Variants in PCNT observed in about 807,000 individuals in gnomAD.
PCNT encodes pericentrin, also known as kendrin.
Under a neutral mutation model 380.4 loss-of-function variants are expected in PCNT, and 319 were observed. That is an observed-to-expected ratio of 0.84 (90% CI 0.77 to 0.92). The LOEUF is 0.92. Ranked by LOEUF, PCNT falls within the 40% of genes least tolerant of loss-of-function variation. The probability of loss-of-function intolerance (pLI) is 0.00; values close to 1 mark genes in which losing one functional copy is unlikely to be tolerated. For missense variants in PCNT, 4,400 were observed against 4,255.3 expected (o/e 1.03, Z -0.95); for synonymous variants, 1,845 against 1,735.2 (o/e 1.06, Z -1.57).
At chr21:46,437,260 C>T (rs1027053080) in intron 40 of PCNT, among the ~76,000 whole-genome samples, 179 bp downstream of exon 40, 1 of 152,090 alleles carries the variant, frequency 6.6e-6, no homozygotes, top group Non-Finnish European at 1.5e-5. Context: ...CGAGTGGGGA[C>T]GGATGTCCTC....
intron 2 of PCNT, among the ~76,000 whole-genome samples, chr21:46,332,021 C>A (rs2083575928): frequency 6.6e-6 from 1 of 152,062 alleles, no homozygotes; most frequent in South Asian, 2.1e-4. Context: ...TTAGCCGGGT[C>A]TCATGGCAGG....
At chr21:46,423,775 TGAGGAGGG>T (rs2087363069) in intron 32 of PCNT, among the ~76,000 whole-genome samples, 1 of 39,522 alleles carries the variant, frequency 2.5e-5, no homozygotes, top group African/African-American at 9.4e-5. Context: ...GGGAGGGGGA[TGAGGAGGG>T]GGAGGGGAGG....
chr21:46,428,265 A>G, intron 34 of PCNT, 130 bp from the exon 35 acceptor site: 1 of 840,232 alleles, frequency 1.2e-6, no homozygotes, highest in Admixed American at 2.0e-5. Flanking sequence ...GGCCCAGCAG[A>G]TACTGTGCAC....
chr21:46,353,086 G>T lies in PCNT; in HGVS notation c.1457-18G>T. ...GTGTCCCATTTTAAGACGATTGCCT[G>T]ACTCCGTTATGTTGCAGAGCTACAT... On this transcript the variant is annotated intron_variant, in intron 9 of 46. Transcript: ENST00000359568. 6.2e-7 allele frequency: 1 copy of T among 1,606,518 alleles called. No homozygotes were observed. The highest frequency in any genetic ancestry group is 1.1e-5 in the South Asian group (1 of 90,850).
At chr21:46,433,852 A>T (rs996768529) in intron 38 of PCNT, among the ~76,000 whole-genome samples, 2 of 151,796 alleles carry the variant, frequency 1.3e-5, no homozygotes, top group African/African-American at 4.8e-5. Flanking sequence ...GCTCACTGCA[A>T]CCTCCACCTC....
chr21:46,401,769 C>A, intron 26 of PCNT, 48 bp downstream of exon 26: 1 of 1,584,594 alleles, frequency 6.3e-7, no homozygotes, highest in Non-Finnish European at 8.7e-7. Flanking sequence ...GGTCAGTGTC[C>A]AGTGGGCTTC....
At chr21:46,398,342 C>A (rs1036081394) in intron 24 of PCNT, 87 bp downstream of exon 24, 3 of 1,359,884 alleles carry the variant, frequency 2.2e-6, no homozygotes, top group Non-Finnish European at 3.1e-6. Context: ...CACCCACTCG[C>A]TTTTCTTGCT....
chr21:46,357,279 G>A, intron 13 of PCNT, 88 bp downstream of exon 13: 3 of 925,764 alleles, frequency 3.2e-6, no homozygotes, highest in Non-Finnish European at 1.8e-6. Flanking sequence ...GTATGGAGGG[G>A]CATCCTGGGG....
chr21:46,384,626 G>A (rs1601915808), intron 16 of PCNT, among the ~76,000 whole-genome samples: 1 of 144,554 alleles, frequency 6.9e-6, no homozygotes, highest in African/African-American at 2.5e-5. Context: ...AAGTGCATTC[G>A]TGGTGTGCAT....
rs760779996 is a variant in PCNT at position 46,412,995 on chromosome 21, G to A, written c.6150+3G>A. On this transcript the variant is annotated splice_donor_region_variant and intron_variant, in intron 29 of 46. Coordinates refer to ENST00000359568, the MANE Select transcript of PCNT (RefSeq NM_006031.6). ...TGAGTCTGGAGGACGGCGGCAAGGT[G>A]TGGGGAGGGGGGAAGGCGCGAGGTC... The A allele has an allele frequency of 2.2e-4, 346 of 1,606,660 alleles. No individual in the cohort carries two copies. The East Asian group carries it at 2.8e-3, about 13-fold the overall frequency.
At chr21:46,384,212 G>T (rs140542041) in intron 16 of PCNT, among the ~76,000 whole-genome samples, 2 of 140,776 alleles carry the variant, frequency 1.4e-5, no homozygotes, top group African/African-American at 2.8e-5. Context: ...TGGCAGAAGC[G>T]CATTCACGGT....
chr21:46,398,366 C>T (rs994543377), intron 24 of PCNT, 111 bp downstream of exon 24: 7 of 1,132,418 alleles, frequency 6.2e-6, no homozygotes, highest in South Asian at 1.3e-5. Flanking sequence ...GTTTGGGCTG[C>T]AGCCATCTGC....
Position 46,399,662 on chromosome 21 carries a change from G to C in PCNT, c.4657G>C (p.Ala1553Pro). Reference protein sequence around the residue: ...FNELAIQKESADRQVLMQEEE... With the variant: ...FNELAIQKESPDRQVLMQEEE... Reference sequence around the variant, plus strand: ...TGAATTGGCTATACAGAAAGAGTCGGCAGATAGACAAGTGTTAATGCAGGA... The same window carrying C: ...TGAATTGGCTATACAGAAAGAGTCGCCAGATAGACAAGTGTTAATGCAGGA... Residue 1553 changes from alanine to proline, a missense_variant, in exon 25 of 47, where the codon GCA becomes CCA. Coordinates refer to ENST00000359568, the MANE Select transcript of PCNT (RefSeq NM_006031.6). 1 of 1,613,716 alleles carries C rather than the reference G, an allele frequency of 6.2e-7. No individual in the cohort carries two copies. The highest frequency in any genetic ancestry group is 1.1e-5 in the South Asian group (1 of 91,076).
rs1163660693 is a variant in PCNT at position 46,416,226 on chromosome 21, C to G, written c.6308C>G (p.Ala2103Gly). Reference protein sequence around the residue: ...DTKSLWPMASAHLLESSWSDD... With the variant: ...DTKSLWPMASGHLLESSWSDD... The stretch of plus-strand genomic sequence containing the variant: ...AAATCTCTGTGGCCCATGGCCTCAG[C>G]ACACCTGTTGGAGAGCAGCTGGAGT... Residue 2103 changes from alanine (A) to glycine (G), a missense_variant, in exon 30 of 47, where the codon GCA becomes GGA. Physicochemically the swap from Ala to Gly is moderately conservative, Grantham distance 60 (BLOSUM62 0). Transcript: ENST00000359568. 6.2e-7 allele frequency: 1 copy of G among 1,614,204 alleles called. No individual in the cohort carries two copies. Among genetic ancestry groups the G allele is most frequent in the Middle Eastern group, 1.6e-4 (1 of 6,062 alleles).
chr21:46,399,590 G>A lies in PCNT; in HGVS notation c.4585G>A (p.Val1529Ile). 1.9e-6 allele frequency: 3 copies of A among 1,607,728 alleles called. No homozygotes were observed. The highest frequency in any genetic ancestry group is 2.6e-6 in the Non-Finnish European group (3 of 1,174,248). ...DSQQAPLDGE[V>I]ELLQQKLREK... ...CCTCAAGCATTTTTTGTTGTTTTAG[G>A]TTGAGTTGTTACAACAAAAGTTGAG... Residue 1529 changes from valine (V) to isoleucine (I), a missense_variant and splice_region_variant, in exon 25 of 47, where the codon GTT becomes ATT. By Grantham distance (29) the Val-to-Ile change is conservative (BLOSUM62 3). Transcript: ENST00000359568.
chr21:46,435,290 A>T (rs192250819), intron 38 of PCNT, among the ~76,000 whole-genome samples: 1 of 152,078 alleles, frequency 6.6e-6, no homozygotes, highest in Non-Finnish European at 1.5e-5. Context: ...CAGTGGCGCA[A>T]TCTCAGCTCA....
intron 27 of PCNT, among the ~76,000 whole-genome samples, chr21:46,405,186 T>A (rs987788234): frequency 1.3e-5 from 2 of 152,294 alleles, no homozygotes; most frequent in Admixed American, 1.3e-4. Flanking sequence ...TGAGCTGTGA[T>A]CATGCCACTG....
chr21:46,384,722 A>G (rs188586149), intron 16 of PCNT, among the ~76,000 whole-genome samples: 35 of 133,548 alleles, frequency 2.6e-4, no homozygotes, highest in South Asian at 4.7e-4. Context: ...CGGCGGAAAC[A>G]CATTCATGGT....
At chr21:46,389,790 A>G (rs759479414) in intron 19 of PCNT, among the ~76,000 whole-genome samples, 23 of 152,228 alleles carry the variant, frequency 1.5e-4, no homozygotes, top group Non-Finnish European at 2.6e-4. Flanking sequence ...GCAATCAAAG[A>G]TCTTTTTTTC....
Sources: gnomAD v4.1 joint callset for allele counts (sites outside exome capture counted in the v4.1 genomes callset) on GRCh38, gnomAD v4.1.1 for gene constraint, MANE v1.5 for transcripts, NCBI Gene and HGNC (gene_info 2026-07-23, HGNC 2026-07-21) for gene names.